CLIC4: variants seen among roughly 807,000 people sequenced by gnomAD.
CLIC4 encodes the protein chloride intracellular channel protein 4.
A neutral mutation model predicts 24.6 loss-of-function variants in CLIC4; 13 were observed. The ratio of observed to expected loss-of-function variants is 0.53; its 90% confidence interval spans 0.34 to 0.84. The LOEUF is 0.84. Among genes scored for constraint, CLIC4 ranks in the 40% least tolerant of loss-of-function variants. The pLI, the probability that CLIC4 is intolerant of heterozygous loss-of-function variation, is 0.01. For synonymous variants in CLIC4, 104 were observed against 111.3 expected (o/e 0.93, Z 0.41); for missense variants, 227 against 301.7 (o/e 0.75, Z 1.83).
At chr1:24,778,941 A>T (rs1639173325) in intron 1 of CLIC4, among the ~76,000 whole-genome samples, 1 of 152,222 alleles carries the variant, frequency 6.6e-6, no homozygotes, top group Non-Finnish European at 1.5e-5. Flanking sequence ...GAAACTCACG[A>T]CATTAATTCC....
chr1:24,830,360 A>G (rs1415413295), intron 4 of CLIC4, among the ~76,000 whole-genome samples: 1 of 152,098 alleles, frequency 6.6e-6, no homozygotes, highest in Non-Finnish European at 1.5e-5. Context: ...CAAAATATAG[A>G]TCTACCTCAA....
chr1:24,751,251 C>G lies in CLIC4; in HGVS notation c.72+5626C>G, dbSNP rs542206914. The stretch of plus-strand genomic sequence containing the variant: ...TTGAGATGGAGTCTTGCACTGTTAC[C>G]CGGGCTGGAGTGCAGTGGCACGATC... On this transcript the variant is annotated intron_variant, in intron 1 of 5. Coordinates refer to ENST00000374379, the MANE Select transcript of CLIC4 (RefSeq NM_013943.3). Among the ~76,000 whole-genome samples, 230 of 142,970 alleles carry G rather than the reference C, an allele frequency of 1.6e-3. 7 individuals are homozygous for G. The Admixed American group carries it at 0.017, about 10-fold the overall frequency. The allele number at this position is 142,970 out of a possible 152,430, so 93.8% of individuals were successfully genotyped here. A position where few individuals can be genotyped will look rare whatever the true frequency, so the allele number is the denominator to read the frequency against.
At chr1:24,752,230 G>C (rs1638785090) in intron 1 of CLIC4, among the ~76,000 whole-genome samples, 1 of 152,132 alleles carries the variant, frequency 6.6e-6, no homozygotes, top group African/African-American at 2.4e-5. Flanking sequence ...TATGGTTACT[G>C]AGGGGATTAA....
chr1:24,785,216 C>T (rs994218352), intron 1 of CLIC4, among the ~76,000 whole-genome samples: 1 of 151,786 alleles, frequency 6.6e-6, no homozygotes. Context: ...ATTCTAACCA[C>T]TAAGTGCTGG....
intron 1 of CLIC4, among the ~76,000 whole-genome samples, chr1:24,781,087 CAAAAAAAAA>C (rs1228000908): frequency 3.2e-5 from 2 of 61,958 alleles, no homozygotes; most frequent in Admixed American, 4.0e-4. Flanking sequence ...AACTCCATCT[CAAAAAAAAA>C]AAAAAAAAAG....
chr1:24,778,014 T>G (rs1000827367), intron 1 of CLIC4: 2 of 152,216 alleles, frequency 1.3e-5, no homozygotes, highest in African/African-American at 4.8e-5. Flanking sequence ...GCTAGAAAAT[T>G]TAATATAACA....
intron 2 of CLIC4, among the ~76,000 whole-genome samples, chr1:24,811,125 A>G (rs1376688290): frequency 5.9e-5 from 9 of 152,100 alleles, no homozygotes; most frequent in Non-Finnish European, 1.2e-4. Context: ...ATATAGAACA[A>G]TAATGAACCC....
chr1:24,767,581 C>A (rs1049768559), intron 1 of CLIC4, among the ~76,000 whole-genome samples: 1 of 152,130 alleles, frequency 6.6e-6, no homozygotes, highest in Non-Finnish European at 1.5e-5. Flanking sequence ...CTTCAGTGAA[C>A]CCTGATCCTG....
intron 1 of CLIC4, among the ~76,000 whole-genome samples, chr1:24,796,792 A>T (rs995389547): frequency 3.3e-5 from 5 of 152,098 alleles, no homozygotes; most frequent in African/African-American, 1.2e-4. Context: ...GAAACAAAAA[A>T]ATTCAGTTCA....
chr1:24,777,868 T>C (rs1639160008), intron 1 of CLIC4: 1 of 152,210 alleles, frequency 6.6e-6, no homozygotes, highest in African/African-American at 2.4e-5. Context: ...TTCTTTTACT[T>C]TTAAGAAAAT....
At chr1:24,797,003 G>A (rs376701875) in intron 1 of CLIC4, among the ~76,000 whole-genome samples, 3 of 148,970 alleles carry the variant, frequency 2.0e-5, no homozygotes, top group South Asian at 2.1e-4. Context: ...CGCCCAGGCT[G>A]GAGTGCATGG....
At chr1:24,816,764 G>A (rs1174286053) in intron 3 of CLIC4, among the ~76,000 whole-genome samples, 1 of 152,152 alleles carries the variant, frequency 6.6e-6, no homozygotes, top group Non-Finnish European at 1.5e-5. Flanking sequence ...AGTTCTGGGG[G>A]GACTAGTGCA....
At chr1:24,803,161 C>T (rs968924745) in intron 2 of CLIC4, among the ~76,000 whole-genome samples, 2 of 152,222 alleles carry the variant, frequency 1.3e-5, no homozygotes, top group Non-Finnish European at 2.9e-5. Context: ...TAAAACATCC[C>T]TGTAGTACTT....
In CLIC4 at chr1:24,840,819, C is replaced by T; in HGVS notation, c.644C>T (p.Thr215Ile). The change falls in exon 6 of 6, where the codon ACT becomes ATT. Residue 215 changes from threonine to isoleucine, a missense_variant. Transcript: ENST00000374379. ...AACTTTGATATTCCAAAAGAAATGACTGGCATCTGGAGATACCTAACTAAT... is the reference window on the plus strand; with the variant it reads ...AACTTTGATATTCCAAAAGAAATGATTGGCATCTGGAGATACCTAACTAAT... ...YRNFDIPKEM[T>I]GIWRYLTNAY... 1 of 1,609,556 alleles carries T rather than the reference C, an allele frequency of 6.2e-7. No homozygotes were observed. The highest frequency in any genetic ancestry group is 8.5e-7 in the Non-Finnish European group (1 of 1,177,988).
At chr1:24,799,218 G>A (rs1188635453) in intron 2 of CLIC4, among the ~76,000 whole-genome samples, 2 of 151,008 alleles carry the variant, frequency 1.3e-5, no homozygotes, top group South Asian at 4.2e-4. Flanking sequence ...CCTCTTCCCG[G>A]CTGCCATCAC....
intron 4 of CLIC4, among the ~76,000 whole-genome samples, 190 bp downstream of exon 4, chr1:24,827,306 A>G (rs1169231593): frequency 6.6e-6 from 1 of 152,204 alleles, no homozygotes; most frequent in Non-Finnish European, 1.5e-5. Flanking sequence ...CTATTTTTCC[A>G]TGTTTCTAGC....
chr1:24,799,610 C>T (rs1311166057), intron 2 of CLIC4, among the ~76,000 whole-genome samples: 2 of 140,260 alleles, frequency 1.4e-5, no homozygotes, highest in African/African-American at 2.9e-5. Flanking sequence ...GGGGGGTCAG[C>T]CCCCCGCCCG....
chr1:24,781,433 C>T (rs1220823282), intron 1 of CLIC4, among the ~76,000 whole-genome samples: 2 of 151,724 alleles, frequency 1.3e-5, no homozygotes, highest in South Asian at 2.1e-4. Flanking sequence ...TGAGCCACCG[C>T]GTCTGGCAAG....
intron 4 of CLIC4, among the ~76,000 whole-genome samples, chr1:24,836,203 C>T (rs1051972504): frequency 2.0e-5 from 3 of 152,160 alleles, no homozygotes; most frequent in Admixed American, 6.5e-5. Context: ...TACCAAATAA[C>T]TAACCTGAAA....
Sources: gnomAD v4.1 joint callset for allele counts (sites outside exome capture counted in the v4.1 genomes callset) on GRCh38, gnomAD v4.1.1 for gene constraint, MANE v1.5 for transcripts, NCBI Gene and HGNC (gene_info 2026-07-23, HGNC 2026-07-21) for gene names.